The following MTNAP1 variants were observed in gnomAD, a reference collection of about 807,000 sequenced individuals.
The protein encoded by MTNAP1 is mitochondrial nucleoid associated protein 1.
the MTNAP1 span, among the ~76,000 whole-genome samples, chr17:73,244,996 C>G: frequency 6.6e-6 from 1 of 152,106 alleles, no homozygotes; most frequent in African/African-American, 2.4e-5. Context: ...TTGTTTGATA[C>G]CTGACATTAA....
the MTNAP1 span, among the ~76,000 whole-genome samples, chr17:73,233,730 G>A: frequency 1.3e-5 from 2 of 152,180 alleles, no homozygotes; most frequent in African/African-American, 4.8e-5. Context: ...TGGGCGTGGT[G>A]GCGCACGCCC....
the MTNAP1 span, among the ~76,000 whole-genome samples, chr17:73,238,155 A>C: frequency 6.6e-6 from 1 of 152,240 alleles, no homozygotes; most frequent in Non-Finnish European, 1.5e-5. Context: ...CCTGACAGTC[A>C]TTTGAAATAT....
chr17:73,246,284 A>G, the MTNAP1 span, among the ~76,000 whole-genome samples: 1 of 152,174 alleles, frequency 6.6e-6, no homozygotes, highest in Non-Finnish European at 1.5e-5. Flanking sequence ...CTGTAATCCC[A>G]GCACTTTGGT....
the MTNAP1 span, among the ~76,000 whole-genome samples, chr17:73,234,673 C>T: frequency 8.0e-6 from 1 of 125,250 alleles, no homozygotes; most frequent in Non-Finnish European, 1.7e-5. Context: ...CAGAGTGAGA[C>T]TCTGTCTCAA....
the MTNAP1 span, among the ~76,000 whole-genome samples, chr17:73,238,719 G>A: frequency 6.6e-6 from 1 of 152,128 alleles, no homozygotes; most frequent in Non-Finnish European, 1.5e-5. Context: ...AGAGAGGTGG[G>A]CAGAGTGAAT....
chr17:73,236,555 C>T, the MTNAP1 span: 9 of 1,614,108 alleles, frequency 5.6e-6, no homozygotes, highest in Non-Finnish European at 7.6e-6. Flanking sequence ...TTGTTCATTC[C>T]GAGGGAGACG....
chr17:73,246,304 C>T, the MTNAP1 span, among the ~76,000 whole-genome samples: 6 of 152,012 alleles, frequency 3.9e-5, no homozygotes, highest in Non-Finnish European at 7.4e-5. Flanking sequence ...TAGGCCAAGG[C>T]GGGCGGATCA....
chr17:73,247,322 C>A, the MTNAP1 span: 1 of 1,614,206 alleles, frequency 6.2e-7, no homozygotes, highest in Middle Eastern at 1.6e-4. Flanking sequence ...GATTGCCGCT[C>A]TAAAACATGT....
chr17:73,235,424 T>C, the MTNAP1 span: 98 of 1,397,306 alleles, frequency 7.0e-5, no homozygotes, highest in African/African-American at 1.0e-4. Context: ...AAGTAAAATA[T>C]TGGTATGTAC....
At chr17:73,236,565 G>A in the MTNAP1 span, 8 of 1,614,130 alleles carry the variant, frequency 5.0e-6, no homozygotes, top group Admixed American at 1.7e-5. Context: ...CGAGGGAGAC[G>A]ACTTACCAGT....
At chr17:73,239,533 T>TC in the MTNAP1 span, among the ~76,000 whole-genome samples, 1 of 149,484 alleles carries the variant, frequency 6.7e-6, no homozygotes, top group Non-Finnish European at 1.5e-5. Context: ...TTTTTTTTTT[T>TC]CTTGAGACAG....
At chr17:73,233,692 C>T in the MTNAP1 span, among the ~76,000 whole-genome samples, 1 of 152,132 alleles carries the variant, frequency 6.6e-6, no homozygotes, top group Non-Finnish European at 1.5e-5. Flanking sequence ...GGTGAAACCC[C>T]GTCTCTACTA....
the MTNAP1 span, chr17:73,236,405 G>A: frequency 6.2e-7 from 1 of 1,614,102 alleles, no homozygotes; most frequent in South Asian, 1.1e-5. Context: ...GAGACGTGTG[G>A]GAGCAAAGGA....
chr17:73,242,319 C>T, the MTNAP1 span: 3 of 1,604,006 alleles, frequency 1.9e-6, no homozygotes, highest in African/African-American at 2.7e-5. Context: ...TCCAACTTCT[C>T]TCTAATGAGG....
the MTNAP1 span, among the ~76,000 whole-genome samples, chr17:73,235,199 G>A: frequency 6.6e-6 from 1 of 152,108 alleles, no homozygotes; most frequent in Non-Finnish European, 1.5e-5. Context: ...CAGCCTGGGT[G>A]ACAGAGTGAG....
chr17:73,234,544 A>C, the MTNAP1 span, among the ~76,000 whole-genome samples: 1 of 151,976 alleles, frequency 6.6e-6, no homozygotes, highest in Admixed American at 6.5e-5. Flanking sequence ...TACAAAAATT[A>C]GCCTGGCGTG....
chr17:73,246,635 T>C, the MTNAP1 span, among the ~76,000 whole-genome samples: 1 of 152,222 alleles, frequency 6.6e-6, no homozygotes, highest in African/African-American at 2.4e-5. Context: ...GGGCTACTTT[T>C]TACCTACCTT....
chr17:73,245,281 T>C, the MTNAP1 span: 46 of 1,520,418 alleles, frequency 3.0e-5, no homozygotes, highest in African/African-American at 6.0e-4. Flanking sequence ...TAAAAATGTA[T>C]AATATTTGGG....
chr17:73,245,766 GA>G, the MTNAP1 span: 1 of 953,372 alleles, frequency 1.0e-6, no homozygotes, highest in Non-Finnish European at 1.2e-6. Flanking sequence ...TTTTTAAGCT[GA>G]TTTTTAAAAT....
Sources: allele counts gnomAD v4.1 joint callset (sites outside exome capture counted in the v4.1 genomes callset), GRCh38; gene constraint gnomAD v4.1.1; transcripts MANE v1.5; gene names NCBI Gene and HGNC (gene_info 2026-07-23, HGNC 2026-07-21).